Variants in BSN observed in about 807,000 individuals in gnomAD.
The protein encoded by BSN is protein bassoon.
BSN carries 57 observed loss-of-function variants against 264.8 expected under a neutral mutation model. The observed-to-expected ratio is 0.22, with a 90% CI of 0.17 to 0.27. BSN has a LOEUF of 0.27. Among genes scored for constraint, BSN ranks in the 10% least tolerant of loss-of-function variants. The pLI, the probability that BSN is intolerant of heterozygous loss-of-function variation, is 1.00. For synonymous variants in BSN, 2,059 were observed against 2,137.3 expected (o/e 0.96, Z 1.01); for missense variants, 4,615 against 5,232.5 (o/e 0.88, Z 3.64).
intron 1 of BSN, among the ~76,000 whole-genome samples, chr3:49,597,135 G>C (rs1016712348): frequency 6.6e-6 from 1 of 151,888 alleles, no homozygotes; most frequent in Non-Finnish European, 1.5e-5. Flanking sequence ...TCTTTTCCTT[G>C]TATTCCCATA....
intron 6 of BSN, 71 bp downstream of exon 6, chr3:49,662,633 G>A: frequency 6.6e-7 from 1 of 1,524,700 alleles, no homozygotes. Flanking sequence ...TGGGGCCCTG[G>A]GCCCTAAGAT....
At position 49,664,829 on chromosome 3, in the gene BSN, C is replaced by T. The variant is rs2052700205; in HGVS notation, c.11771C>T (p.Ser3924Leu). The T allele has an allele frequency of 6.2e-7, 1 of 1,613,112 alleles. No individual in the cohort carries two copies. The highest frequency in any genetic ancestry group is 8.5e-7 in the Non-Finnish European group (1 of 1,179,906). Residue 3924 changes from serine (S) to leucine (L), a missense_variant, in exon 10 of 12, where the codon TCA becomes TTA. Physicochemically the swap from Ser to Leu is moderately radical, Grantham distance 145. Transcript: ENST00000296452. ...TCTGCTTTTGGCAAAAAATTTTCCT[C>T]ATTCTGGTGACCATGCCCAGCATGG... ...AVSAFGKKFS[S>L]FW
intron 1 of BSN, among the ~76,000 whole-genome samples, chr3:49,579,624 T>C (rs2051878991): frequency 6.6e-6 from 1 of 151,932 alleles, no homozygotes; most frequent in Non-Finnish European, 1.5e-5. Context: ...GGTTTCACCA[T>C]GTTGGTCAGG....
In BSN at chr3:49,627,118, A is replaced by G. The variant is rs931083964; in HGVS notation, c.633+1735A>G. ...TTGGTGAAGAGTGGGTCTCAGCCAA[A>G]TACTTCAAACAAATGCTGGGCTGGA... On this transcript the variant is annotated intron_variant, in intron 2 of 11. Transcript: ENST00000296452. 7.9e-5 allele frequency among the ~76,000 whole-genome samples: 12 copies of G among 152,256 alleles called. 1 individual carries two copies. The South Asian group carries it at 2.5e-3, about 31-fold the overall frequency.
intron 2 of BSN, among the ~76,000 whole-genome samples, chr3:49,634,832 A>G (rs1246974451): frequency 1.3e-5 from 2 of 152,242 alleles, no homozygotes; most frequent in Admixed American, 6.5e-5. Context: ...CACACTATAT[A>G]TGTGTGTGCA....
rs2051934238 is a variant in BSN, at chr3:49,585,984, A to G, written c.224+31158A>G. On this transcript the variant is annotated intron_variant, in intron 1 of 11. Transcript: ENST00000296452. The surrounding 1 kb of genome is among the most constrained non-coding windows in gnomAD (Gnocchi z 4.7). ...TTCTATATAGTTGTTTGAGCTCCTT[A>G]TATATTTTGGTTATTAATCACTTGT... 6.6e-6 allele frequency among the ~76,000 whole-genome samples: 1 copy of G among 151,854 alleles called. No individual in the cohort carries two copies. The highest frequency in any genetic ancestry group is 2.1e-4 in the South Asian group (1 of 4,820).
rs200327029 is a variant in BSN, at chr3:49,652,440, C to T, written c.2884C>T (p.Leu962=). 1.2e-6 allele frequency: 2 copies of T among 1,613,036 alleles called. No individual in the cohort carries two copies. Among genetic ancestry groups the T allele is most frequent in the African/African-American group, 2.7e-5 (2 of 75,052 alleles). The change falls in exon 5 of 12, where the codon CTG becomes TTG. Residue 962 remains leucine, a synonymous_variant. Coordinates refer to ENST00000296452, the MANE Select transcript of BSN (RefSeq NM_003458.4). The part of the protein sequence containing the change: ...PDPSLDREPE[L]EMESLTGSPE... ...CCCCAGTCTGGACCGGGAGCCTGAG[C>T]TGGAGATGGAGAGCCTAACGGGCTC...
rs2052731862 is a variant in BSN at position 49,668,893 on chromosome 3, C to T, written c.*1408C>T. ...GACAACTGTTAATATTTAATAAATT[C>T]CATGTTATGTATAAGGAGTTAATTG... On this transcript the variant is annotated 3_prime_UTR_variant, in exon 12 of 12. Coordinates refer to ENST00000296452, the MANE Select transcript of BSN (RefSeq NM_003458.4). The T allele has an allele frequency of 6.6e-6, 1 of 152,586 alleles. No individual in the cohort carries two copies. Among genetic ancestry groups the T allele is most frequent in the African/African-American group, 2.4e-5 (1 of 41,422 alleles). The allele number at this position is 152,586 out of a possible 1,614,324, so 9.5% of individuals were successfully genotyped here. A position where few individuals can be genotyped will look rare whatever the true frequency, so the allele number is the denominator to read the frequency against.
Position 49,638,415 on chromosome 3 carries a change from CTG to C in BSN, c.634-3852_634-3851del, listed in dbSNP as rs2052435646. 6.6e-6 allele frequency among the ~76,000 whole-genome samples: 1 copy of C among 152,166 alleles called. No homozygotes were observed. The highest frequency in any genetic ancestry group is 1.5e-5 in the Non-Finnish European group (1 of 68,020). The stretch of plus-strand genomic sequence containing the variant: ...GGGCCTTGCAGTATGGAGGAAGAGA[CTG>C]AGGTTGGGCTCCTCCCAGGAAACTG... On this transcript the variant is annotated intron_variant, in intron 2 of 11. Coordinates refer to ENST00000296452, the MANE Select transcript of BSN (RefSeq NM_003458.4). This position sits in a 1 kb window ranked among gnomAD's most constrained non-coding sequence, Gnocchi z 4.3.
In BSN at chr3:49,651,043, G is replaced by A. The variant is rs1268008740; in HGVS notation, c.1950G>A (p.Lys650=). The change falls in exon 4 of 12, where the codon AAG becomes AAA. Residue 650 remains lysine (K), a synonymous_variant. Transcript: ENST00000296452. This position sits in a 1 kb window ranked among gnomAD's most constrained non-coding sequence, Gnocchi z 5.4. ...RRAEPATPVV[K]AVPEAPKGGE... is the part of the protein sequence containing the mutation. ...CTGAACCTGCCACCCCTGTCGTCAA[G>A]GCTGTTCCAGAAGCCCCCAAGGGTG... is the stretch of plus-strand genomic sequence containing the variant. The A allele has an allele frequency of 6.2e-7, 1 of 1,613,066 alleles. No individual in the cohort carries two copies. The highest frequency in any genetic ancestry group is 2.2e-5 in the East Asian group (1 of 44,888).
intron 1 of BSN, among the ~76,000 whole-genome samples, chr3:49,559,938 G>A (rs2051700233): frequency 6.6e-6 from 1 of 152,210 alleles, no homozygotes; most frequent in Admixed American, 6.5e-5. Flanking sequence ...GCAGAACCAG[G>A]GTTTGGGCTA....
At position 49,585,432 on chromosome 3, in the gene BSN, C is replaced by T. The variant is rs1004047444; in HGVS notation, c.224+30606C>T. Among the ~76,000 whole-genome samples, 6 of 152,228 alleles carry T rather than the reference C, an allele frequency of 3.9e-5. No homozygotes were observed. The highest frequency in any genetic ancestry group is 1.4e-4 in the African/African-American group (6 of 41,460). On this transcript the variant is annotated intron_variant, in intron 1 of 11. Transcript: ENST00000296452. The surrounding 1 kb of genome is among the most constrained non-coding windows in gnomAD (Gnocchi z 4.7). The stretch of plus-strand genomic sequence containing the variant: ...GTGAGGCCGGCGCTCCCTTCCCAGG[C>T]CGCAGCGGACAGACAGGGATTGGGT...
rs549354372 is a variant in BSN, at chr3:49,664,843, T to G, written c.*4T>G. On this transcript the variant is annotated 3_prime_UTR_variant, in exon 10 of 12. Coordinates refer to ENST00000296452, the MANE Select transcript of BSN (RefSeq NM_003458.4). Reference sequence around the variant, plus strand: ...AAAATTTTCCTCATTCTGGTGACCATGCCCAGCATGGTGAGTACAAGCAGC... The same window carrying G: ...AAAATTTTCCTCATTCTGGTGACCAGGCCCAGCATGGTGAGTACAAGCAGC... 2 of 1,590,536 alleles carry G rather than the reference T, an allele frequency of 1.3e-6. No homozygotes were observed. The highest frequency in any genetic ancestry group is 1.7e-6 in the Non-Finnish European group (2 of 1,168,212).
chr3:49,663,686 A>G lies in BSN; in HGVS notation c.11508+20A>G, dbSNP rs774776144. 1.2e-5 allele frequency: 19 copies of G among 1,603,024 alleles called. No individual in the cohort carries two copies. The South Asian group carries it at 1.7e-4, about 14-fold the overall frequency. On this transcript the variant is annotated intron_variant, in intron 7 of 11. Transcript: ENST00000296452. ...GGACCGGTAAGCAGAGCTCCCATGC[A>G]TGGGTTGTAACCAGGGAAGATGCTA... is the stretch of plus-strand genomic sequence containing the variant.
intron 1 of BSN, among the ~76,000 whole-genome samples, chr3:49,561,372 G>A (rs1411104321): frequency 6.6e-6 from 1 of 152,196 alleles, no homozygotes; most frequent in Non-Finnish European, 1.5e-5. Context: ...AGGAGCCCGA[G>A]CTCTTCAATG....
intron 1 of BSN, among the ~76,000 whole-genome samples, chr3:49,572,294 CT>C (rs1445950652): frequency 6.6e-6 from 1 of 152,198 alleles, no homozygotes; most frequent in African/African-American, 2.4e-5. Flanking sequence ...AATGGAACCT[CT>C]ACTCAAACCC....
intron 1 of BSN, among the ~76,000 whole-genome samples, chr3:49,619,666 A>G (rs1056694683): frequency 1.3e-5 from 2 of 152,216 alleles, no homozygotes; most frequent in African/African-American, 4.8e-5. Flanking sequence ...CATTACCACA[A>G]TTATTGTCAG....
intron 1 of BSN, among the ~76,000 whole-genome samples, chr3:49,592,525 G>A (rs371958950): frequency 3.3e-5 from 5 of 150,370 alleles, no homozygotes; most frequent in Admixed American, 6.6e-5. Flanking sequence ...AGGCTGAGGC[G>A]GGCGGATCAC....
intron 1 of BSN, among the ~76,000 whole-genome samples, chr3:49,582,109 ATCATTG>A (rs1469889083): frequency 1.3e-5 from 2 of 152,166 alleles, no homozygotes; most frequent in African/African-American, 4.8e-5. Context: ...CATTTCCACC[ATCATTG>A]TATGAGGGTT....
Sources: gnomAD v4.1 joint callset for allele counts (sites outside exome capture counted in the v4.1 genomes callset) on GRCh38, gnomAD v4.1.1 for gene constraint, Gnocchi (gnomAD v3.1) non-coding constraint, MANE v1.5 for transcripts, NCBI Gene and HGNC (gene_info 2026-07-23, HGNC 2026-07-21) for gene names.